VWA8: variants seen among roughly 807,000 people sequenced by gnomAD.
VWA8 encodes von Willebrand factor A domain-containing protein 8.
A neutral mutation model predicts 241.5 loss-of-function variants in VWA8; 221 were observed. The ratio of observed to expected loss-of-function variants is 0.91; its 90% confidence interval spans 0.82 to 1.02. The LOEUF (loss-of-function observed/expected upper bound fraction) is 1.02, where lower values mean the gene tolerates loss of function less well. Ranked by LOEUF, VWA8 falls within the 50% of genes least tolerant of loss-of-function variation. The pLI is 0.00. For missense variants in VWA8, 2,322 were observed against 2,328.7 expected, an observed-to-expected ratio of 1.00 and a Z score of 0.06; for synonymous variants, 852 against 827.1, an observed-to-expected ratio of 1.03 and a Z score of -0.52.
At chr13:41,878,770 A>T (rs1262706090) in intron 9 of VWA8, among the ~76,000 whole-genome samples, 2 of 152,286 alleles carry the variant, frequency 1.3e-5, no homozygotes, top group Admixed American at 1.3e-4. Context: ...AAGACCAAAA[A>T]ATGAAGCAAC....
chr13:41,784,747 TATATATATATATATAC>T (rs1566456439), intron 18 of VWA8, among the ~76,000 whole-genome samples: 26 of 103,512 alleles, frequency 2.5e-4, no homozygotes, highest in Admixed American at 5.6e-4. Flanking sequence ...CATATATATA[TATATATATATATATAC>T]ACACACACAC....
At chr13:41,757,713 C>T (rs1223602725) in intron 21 of VWA8, among the ~76,000 whole-genome samples, 1 of 151,498 alleles carries the variant, frequency 6.6e-6, no homozygotes, top group Non-Finnish European at 1.5e-5. Context: ...TCTTAAAGCA[C>T]TAGAAAAGGC....
chr13:41,576,622 G>T (rs2044351950), intron 42 of VWA8, among the ~76,000 whole-genome samples: 2 of 152,188 alleles, frequency 1.3e-5, no homozygotes, highest in African/African-American at 4.8e-5. Context: ...TGTGGCTAGG[G>T]GTGAAGACCT....
In VWA8 at chr13:41,570,575, C is replaced by T; in HGVS notation, c.5502G>A (p.Leu1834=). 1 of 1,614,200 alleles carries T rather than the reference C, an allele frequency of 6.2e-7. No homozygotes were observed. Among genetic ancestry groups the T allele is most frequent in the Non-Finnish European group, 8.5e-7 (1 of 1,180,038 alleles). ...YFVIVLSDAN[L]SRYGIHPAKF... The stretch of plus-strand genomic sequence containing the variant: ...TAGCAGGATGTATTCCATATCGTGA[C>T]AGATTTGCATCACTCAAGACTATGA... Residue 1834 remains leucine (L), a synonymous_variant, in exon 44 of 45, where the codon CTG becomes CTA. Coordinates refer to ENST00000379310, the MANE Select transcript of VWA8 (RefSeq NM_015058.2).
intron 1 of VWA8, among the ~76,000 whole-genome samples, chr13:41,955,220 T>C (rs1566051351): frequency 2.0e-5 from 3 of 152,210 alleles, no homozygotes; most frequent in African/African-American, 7.2e-5. Context: ...AGAATACTTA[T>C]AAGACAACAG....
At chr13:41,751,862 G>A (rs75762398) in intron 21 of VWA8, among the ~76,000 whole-genome samples, 24,172 of 152,050 alleles carry the variant, frequency 0.16, 2,097 homozygotes, top group Non-Finnish European at 0.2. Context: ...TAAAACAAGC[G>A]TCAGTGCTCC....
chr13:41,872,729 G>A, intron 9 of VWA8, among the ~76,000 whole-genome samples: 2 of 152,062 alleles, frequency 1.3e-5, no homozygotes, highest in Admixed American at 6.5e-5. Flanking sequence ...ATAGTTTGAA[G>A]TCAGGTAGTG....
In VWA8 at chr13:41,611,665, C is replaced by T. The variant is rs2044589313; in HGVS notation, c.4788G>A (p.Val1596=). ...CTTTCTCAGCCTGAGAGACCTGGTA[C>T]ACCGTATGGCCTGCATCCAGCCGGT... The part of the protein sequence containing the change: ...GPYRLDAGHT[V]YQVSQAEKDA... The change falls in exon 39 of 45, where the codon GTG becomes GTA. Residue 1596 remains valine, a synonymous_variant. Transcript: ENST00000379310. 2 of 1,614,128 alleles carry T rather than the reference C, an allele frequency of 1.2e-6. No homozygotes were observed. Among genetic ancestry groups the T allele is most frequent in the Non-Finnish European group, 1.7e-6 (2 of 1,179,982 alleles).
intron 26 of VWA8, among the ~76,000 whole-genome samples, chr13:41,716,374 A>C (rs36048898): frequency 0.083 from 12,694 of 152,026 alleles, 687 homozygotes; most frequent in Non-Finnish European, 0.12. Context: ...ACATCACTGC[A>C]CTCTTTAGGA....
At chr13:41,926,981 G>A in intron 2 of VWA8, 1 of 481,978 alleles carries the variant, frequency 2.1e-6, no homozygotes, top group Non-Finnish European at 4.1e-6. Context: ...ATCATCCACA[G>A]ATAATGAGCG....
At chr13:41,795,756 G>C in intron 17 of VWA8, among the ~76,000 whole-genome samples, 1 of 152,106 alleles carries the variant, frequency 6.6e-6, no homozygotes, top group East Asian at 1.9e-4. Context: ...AGAACACATG[G>C]ACACATAATG....
chr13:41,794,032 G>A (rs1008359576), intron 17 of VWA8, among the ~76,000 whole-genome samples: 1 of 151,400 alleles, frequency 6.6e-6, no homozygotes, highest in Admixed American at 6.6e-5. Flanking sequence ...GTGTTGTTTT[G>A]GTTACTGTAG....
At chr13:41,888,736 G>T in intron 5 of VWA8, among the ~76,000 whole-genome samples, 1 of 152,114 alleles carries the variant, frequency 6.6e-6, no homozygotes, top group African/African-American at 2.4e-5. Context: ...TCTCATGCTA[G>T]CTCCACACTC....
At chr13:41,900,071 C>A (rs948937929) in intron 4 of VWA8, among the ~76,000 whole-genome samples, 4 of 152,116 alleles carry the variant, frequency 2.6e-5, no homozygotes, top group African/African-American at 9.7e-5. Context: ...AAACATGCAA[C>A]CACTCAGTTA....
rs1874502771 is a variant in VWA8 at position 41,885,871 on chromosome 13, A to G, written c.975+49T>C. The stretch of plus-strand genomic sequence containing the variant: ...ATTAATCCCTAATGATTAACTTTCA[A>G]AATTTTTAACATATTTGGGTATGCC... On this transcript the variant is annotated intron_variant, in intron 8 of 44. Coordinates refer to ENST00000379310, the MANE Select transcript of VWA8 (RefSeq NM_015058.2). 5 of 1,378,690 alleles carry G rather than the reference A, an allele frequency of 3.6e-6. No individual in the cohort carries two copies. The East Asian group carries it at 1.2e-4, about 33-fold the overall frequency. 85.4% of individuals were successfully genotyped at this position (1,378,690 alleles called of 1,614,324 possible).
intron 13 of VWA8, among the ~76,000 whole-genome samples, chr13:41,831,537 T>C (rs1330952964): frequency 1.3e-5 from 2 of 152,036 alleles, no homozygotes; most frequent in African/African-American, 2.4e-5. Flanking sequence ...CTGGGAAGTG[T>C]TTAAAAATGC....
chr13:41,894,001 T>C (rs950157827), intron 4 of VWA8, among the ~76,000 whole-genome samples: 8 of 152,236 alleles, frequency 5.3e-5, no homozygotes, highest in Middle Eastern at 3.2e-3. Context: ...GTTATCATAA[T>C]CTAGGGTAAT....
At chr13:41,960,708 A>T (rs572598882) in intron 1 of VWA8, 145 bp downstream of exon 1, 2 of 1,215,722 alleles carry the variant, frequency 1.6e-6, no homozygotes, top group African/African-American at 3.2e-5. Context: ...CGAGGTCGGG[A>T]CTAGAACCTC....
At chr13:41,683,040 T>G (rs1342748129) in intron 35 of VWA8, among the ~76,000 whole-genome samples, 1 of 152,082 alleles carries the variant, frequency 6.6e-6, no homozygotes, top group East Asian at 1.9e-4. Context: ...CTTTGGGAAA[T>G]AGTTTGGCAG....
Sources: gnomAD v4.1 joint callset for allele counts (sites outside exome capture counted in the v4.1 genomes callset) on GRCh38, gnomAD v4.1.1 for gene constraint, MANE v1.5 for transcripts, NCBI Gene and HGNC (gene_info 2026-07-23, HGNC 2026-07-21) for gene names.